The following ATP13A3 variants were observed in gnomAD, a reference collection of about 807,000 sequenced individuals.
The protein encoded by ATP13A3 is polyamine-transporting ATPase 13A3.
A neutral mutation model predicts 158.1 loss-of-function variants in ATP13A3; 59 were observed. The ratio of observed to expected loss-of-function variants is 0.37; its 90% confidence interval spans 0.30 to 0.46. ATP13A3 has a LOEUF of 0.46. ATP13A3 is among the 20% of genes least tolerant of loss of function. ATP13A3 has a pLI of 1.00. For synonymous variants in ATP13A3, 491 were observed against 504.3 expected (o/e 0.97, Z 0.35); for missense variants, 1,166 against 1,525.2 (o/e 0.76, Z 3.92).
chr3:194,411,934 A>G (rs1212489960), intron 33 of ATP13A3, among the ~76,000 whole-genome samples: 2 of 152,200 alleles, frequency 1.3e-5, no homozygotes, highest in African/African-American at 4.8e-5. Context: ...ACACAAATAG[A>G]AGATCAGGAT....
In ATP13A3 at chr3:194,447,942, G is replaced by C. The variant is rs371456786; in HGVS notation, c.1218C>G (p.Leu406=). ...GTAGAAACAAGTAGGCATCTCTGTA[G>C]AGTTTAAAATCAGTTGGTTTGGGAT... ...ILYPKPTDFK[L]YRDAYLFLLC... is the part of the protein sequence containing the mutation. The change falls in exon 13 of 34, where the codon CTC becomes CTG. Residue 406 remains leucine (L), a synonymous_variant. Transcript: ENST00000645319. The C allele has an allele frequency of 1.1e-5, 17 of 1,610,838 alleles. No homozygotes were observed. Among genetic ancestry groups the C allele is most frequent in the African/African-American group, 2.7e-5 (2 of 74,778 alleles).
At chr3:194,460,033 AT>A (rs1560105811) in intron 4 of ATP13A3, 62 bp from the exon 5 acceptor site, 4 of 1,312,748 alleles carry the variant, frequency 3.0e-6, no homozygotes, top group Non-Finnish European at 4.2e-6. Context: ...CTATATTTTC[AT>A]TTATTTTCCA....
intron 6 of ATP13A3, 59 bp from the exon 7 acceptor site, chr3:194,457,233 G>A (rs1368061108): frequency 7.5e-6 from 10 of 1,334,740 alleles, no homozygotes; most frequent in Admixed American, 1.8e-5. Context: ...ATTTCTTAAC[G>A]CCTCATTTTT....
chr3:194,418,180 T>C (rs1290127402), intron 31 of ATP13A3, among the ~76,000 whole-genome samples: 1 of 152,118 alleles, frequency 6.6e-6, no homozygotes, highest in African/African-American at 2.4e-5. Context: ...TGATCCCTAT[T>C]CAAAAGCTAT....
intron 29 of ATP13A3, 39 bp from the exon 30 acceptor site, chr3:194,425,568 A>C: frequency 1.3e-6 from 2 of 1,518,352 alleles, no homozygotes; most frequent in Non-Finnish European, 1.8e-6. Context: ...TAGTAAACAT[A>C]ATACTCATTT....
In ATP13A3 at chr3:194,449,495, C is replaced by G. The variant is rs140917053; in HGVS notation, c.970+650G>C. 5.9e-5 allele frequency among the ~76,000 whole-genome samples: 9 copies of G among 152,248 alleles called. No homozygotes were observed. In the East Asian group the frequency reaches 1.7e-3, roughly 29 times the overall value. ...AGGAGTTCACGACCAGCCTGGCCAA[C>G]GTGGTGAAGCCGTCTCTACTAAGAA... On this transcript the variant is annotated intron_variant, in intron 11 of 33. Transcript: ENST00000645319.
At chr3:194,433,952 A>T in intron 20 of ATP13A3, 56 bp from the exon 21 acceptor site, 1 of 1,522,202 alleles carries the variant, frequency 6.6e-7, no homozygotes, top group South Asian at 1.2e-5. Context: ...TAAGCAACTT[A>T]TGTACACAAA....
intron 2 of ATP13A3, among the ~76,000 whole-genome samples, chr3:194,469,392 G>A (rs897922595): frequency 6.6e-6 from 1 of 151,920 alleles, no homozygotes; most frequent in Non-Finnish European, 1.5e-5. Context: ...CCCAGGAGGC[G>A]GAGGGTTGCA....
intron 10 of ATP13A3, 82 bp downstream of exon 10, chr3:194,453,624 G>A (rs1450916577): frequency 2.0e-6 from 2 of 1,017,284 alleles, no homozygotes; most frequent in East Asian, 2.4e-5. Context: ...GAATGTATAT[G>A]TATTATACTT....
intron 30 of ATP13A3, among the ~76,000 whole-genome samples, chr3:194,421,572 AG>A (rs1716381242): frequency 6.8e-6 from 1 of 146,622 alleles, no homozygotes. Flanking sequence ...AAAAAAAAAA[AG>A]TGGGACTCAT....
At chr3:194,455,170 T>C (rs1483924713) in intron 8 of ATP13A3, among the ~76,000 whole-genome samples, 2 of 152,206 alleles carry the variant, frequency 1.3e-5, no homozygotes, top group Non-Finnish European at 2.9e-5. Context: ...TATGAGTTAA[T>C]GGGTTATGTT....
In ATP13A3 at chr3:194,404,501, G is replaced by A. The variant is rs1714805507; in HGVS notation, c.*1418C>T. ...AGCAAGCATGTTACTGGCTCTGGAAGAACAGAGAACAATGTCACACTGTTT... is the reference window on the plus strand; with the variant it reads ...AGCAAGCATGTTACTGGCTCTGGAAAAACAGAGAACAATGTCACACTGTTT... On this transcript the variant is annotated 3_prime_UTR_variant, in exon 34 of 34. Coordinates refer to ENST00000645319, the MANE Select transcript of ATP13A3 (RefSeq NM_001367549.1). 2 of 174,946 alleles carry A rather than the reference G, an allele frequency of 1.1e-5. No individual in the cohort carries two copies. The highest frequency in any genetic ancestry group is 2.4e-5 in the African/African-American group (1 of 41,690). The allele number at this position is 174,946 out of a possible 1,614,324, so 10.8% of individuals were successfully genotyped here.
At chr3:194,434,409 A>AG (rs1218039568) in intron 20 of ATP13A3, among the ~76,000 whole-genome samples, 3 of 152,228 alleles carry the variant, frequency 2.0e-5, no homozygotes, top group African/African-American at 7.2e-5. Context: ...TTACTAATAT[A>AG]GTTATCAAGA....
At chr3:194,447,723 A>T in intron 13 of ATP13A3, 129 bp downstream of exon 13, 1 of 815,498 alleles carries the variant, frequency 1.2e-6, no homozygotes, top group Non-Finnish European at 2.0e-6. Flanking sequence ...TGTTAGCATT[A>T]AATTAATTAA....
chr3:194,455,692 C>A (rs1340089006), intron 8 of ATP13A3, among the ~76,000 whole-genome samples: 1 of 152,146 alleles, frequency 6.6e-6, no homozygotes, highest in Non-Finnish European at 1.5e-5. Flanking sequence ...GTAATAAAAG[C>A]AAAACTAGAC....
Position 194,403,209 on chromosome 3 carries a change from G to C in ATP13A3, c.*2710C>G, listed in dbSNP as rs1411284827. 6.6e-6 allele frequency: 1 copy of C among 152,092 alleles called. No homozygotes were observed. The highest frequency in any genetic ancestry group is 1.5e-5 in the Non-Finnish European group (1 of 68,008). 9.4% of individuals were successfully genotyped at this position (152,092 alleles called of 1,614,324 possible). A position where few individuals can be genotyped will look rare whatever the true frequency, so the allele number is the denominator to read the frequency against. On this transcript the variant is annotated 3_prime_UTR_variant, in exon 34 of 34. Coordinates refer to ENST00000645319, the MANE Select transcript of ATP13A3 (RefSeq NM_001367549.1). ...ACTGTGCAGGACTTTCATAAACATG[G>C]GGAACAAAATAAATAGAGTAAAAAC...
At chr3:194,481,025 C>CT (rs1488037450) in intron 2 of ATP13A3, among the ~76,000 whole-genome samples, 3 of 152,070 alleles carry the variant, frequency 2.0e-5, no homozygotes, top group Admixed American at 1.3e-4. Flanking sequence ...AAACTGGTGC[C>CT]TTTTTAAAAG....
intron 17 of ATP13A3, 65 bp downstream of exon 17, chr3:194,438,790 GA>G: frequency 8.8e-7 from 1 of 1,130,392 alleles, no homozygotes; most frequent in Admixed American, 2.5e-5. Context: ...AATAAAAATT[GA>G]AAAAAATTAA....
intron 32 of ATP13A3, among the ~76,000 whole-genome samples, chr3:194,413,408 C>A (rs928334799): frequency 2.6e-5 from 4 of 152,138 alleles, no homozygotes; most frequent in Non-Finnish European, 4.4e-5. Flanking sequence ...TTTTACTGTA[C>A]ATCACAAAAC....
Sources: allele counts gnomAD v4.1 joint callset (sites outside exome capture counted in the v4.1 genomes callset), GRCh38; gene constraint gnomAD v4.1.1; transcripts MANE v1.5; gene names NCBI Gene and HGNC (gene_info 2026-07-23, HGNC 2026-07-21).